POU2AF2: variants seen among roughly 807,000 people sequenced by gnomAD.
POU2AF2 encodes the protein POU domain class 2-associating factor 2.
At chr11:111,250,686 T>C in the POU2AF2 span, among the ~76,000 whole-genome samples, 2 of 151,906 alleles carry the variant, frequency 1.3e-5, no homozygotes, top group Non-Finnish European at 2.9e-5. Flanking sequence ...AAAACTAGAA[T>C]AGAGTAAGGG....
At chr11:111,278,678 G>T in the POU2AF2 span, among the ~76,000 whole-genome samples, 5 of 152,300 alleles carry the variant, frequency 3.3e-5, no homozygotes, top group Admixed American at 6.5e-5. Context: ...CAGACTTCCA[G>T]TCTCCTGAAC....
the POU2AF2 span, among the ~76,000 whole-genome samples, chr11:111,285,441 A>G: frequency 6.6e-6 from 1 of 152,208 alleles, no homozygotes; most frequent in Non-Finnish European, 1.5e-5. Context: ...AGGAATCTCA[A>G]TATCTATAGC....
chr11:111,249,728 A>G, the POU2AF2 span, among the ~76,000 whole-genome samples: 1 of 152,202 alleles, frequency 6.6e-6, no homozygotes, highest in Non-Finnish European at 1.5e-5. Flanking sequence ...GATACTTGAC[A>G]ACACTGATTG....
chr11:111,250,165 T>C, the POU2AF2 span, among the ~76,000 whole-genome samples: 1 of 152,126 alleles, frequency 6.6e-6, no homozygotes, highest in Non-Finnish European at 1.5e-5. Flanking sequence ...TTAATCATAG[T>C]GCTGTTTTGG....
the POU2AF2 span, among the ~76,000 whole-genome samples, chr11:111,264,189 C>G: frequency 2.0e-5 from 3 of 151,920 alleles, no homozygotes; most frequent in Non-Finnish European, 4.4e-5. Flanking sequence ...AAGCATGAAG[C>G]AGGTAGGTAG....
the POU2AF2 span, among the ~76,000 whole-genome samples, chr11:111,251,708 C>T: frequency 2.6e-5 from 4 of 152,210 alleles, no homozygotes; most frequent in Non-Finnish European, 2.9e-5. Flanking sequence ...CATCAACAAT[C>T]CAAAGTGTAC....
chr11:111,276,453 A>AAAAAAAAAAAAAT, the POU2AF2 span, among the ~76,000 whole-genome samples: 17 of 37,662 alleles, frequency 4.5e-4, no homozygotes, highest in African/African-American at 1.4e-3. Context: ...AAAAAAAAAA[A>AAAAAAAAAAAAAT]ATATATATAT....
chr11:111,260,145 G>C, the POU2AF2 span, among the ~76,000 whole-genome samples: 1 of 152,190 alleles, frequency 6.6e-6, no homozygotes, highest in Non-Finnish European at 1.5e-5. Context: ...GCTCTGATTT[G>C]ATGGCTCATA....
At chr11:111,276,453 A>AAAAAAAAAAATATATATAT in the POU2AF2 span, among the ~76,000 whole-genome samples, 6 of 37,664 alleles carry the variant, frequency 1.6e-4, no homozygotes, top group Admixed American at 3.5e-4. Flanking sequence ...AAAAAAAAAA[A>AAAAAAAAAAATATATATAT]ATATATATAT....
At chr11:111,285,699 A>G in the POU2AF2 span, 4 of 1,613,548 alleles carry the variant, frequency 2.5e-6, no homozygotes, top group African/African-American at 4.0e-5. Flanking sequence ...AGCCAGCCTG[A>G]CCCTGTGTCT....
the POU2AF2 span, among the ~76,000 whole-genome samples, chr11:111,250,845 C>T: frequency 6.6e-6 from 1 of 152,124 alleles, no homozygotes; most frequent in Non-Finnish European, 1.5e-5. Context: ...ACAGCCAGCG[C>T]AAAAGTCTTA....
chr11:111,279,605 C>T, the POU2AF2 span, among the ~76,000 whole-genome samples: 1 of 152,156 alleles, frequency 6.6e-6, no homozygotes, highest in African/African-American at 2.4e-5. Flanking sequence ...TGTCTTTGTG[C>T]GTCCCTCTCC....
At chr11:111,248,157 G>A in the POU2AF2 span, among the ~76,000 whole-genome samples, 1 of 151,982 alleles carries the variant, frequency 6.6e-6, no homozygotes, top group Non-Finnish European at 1.5e-5. Context: ...TTCTCCTGGA[G>A]GTTTTCCACA....
the POU2AF2 span, among the ~76,000 whole-genome samples, chr11:111,273,168 G>A: frequency 0.015 from 2,327 of 152,262 alleles, 21 homozygotes; most frequent in Non-Finnish European, 0.022. Flanking sequence ...CAACCGAAAT[G>A]CCCTTGGTTC....
At chr11:111,274,114 T>C in the POU2AF2 span, among the ~76,000 whole-genome samples, 1 of 152,140 alleles carries the variant, frequency 6.6e-6, no homozygotes, top group African/African-American at 2.4e-5. Flanking sequence ...TGAGTGCACA[T>C]GCTGAAGGAC....
the POU2AF2 span, among the ~76,000 whole-genome samples, chr11:111,248,363 C>T: frequency 6.6e-6 from 1 of 152,114 alleles, no homozygotes; most frequent in South Asian, 2.1e-4. Context: ...AGAGCTGGTA[C>T]CTGAGCCAGA....
chr11:111,255,022 AG>A, the POU2AF2 span, among the ~76,000 whole-genome samples: 1 of 152,202 alleles, frequency 6.6e-6, no homozygotes, highest in African/African-American at 2.4e-5. Context: ...GCCAAACAAA[AG>A]GTTCTCTTAT....
the POU2AF2 span, among the ~76,000 whole-genome samples, chr11:111,281,195 A>G: frequency 6.6e-6 from 1 of 152,224 alleles, no homozygotes; most frequent in Non-Finnish European, 1.5e-5. Flanking sequence ...ATCAAAATGT[A>G]AAAGTGTGGT....
At chr11:111,259,378 C>A in the POU2AF2 span, among the ~76,000 whole-genome samples, 1 of 147,916 alleles carries the variant, frequency 6.8e-6, no homozygotes, top group Non-Finnish European at 1.5e-5. Flanking sequence ...TGCAGTGGCA[C>A]AATCTCGGCT....
Sources: allele counts gnomAD v4.1 joint callset (sites outside exome capture counted in the v4.1 genomes callset), GRCh38; gene constraint gnomAD v4.1.1; transcripts MANE v1.5; gene names NCBI Gene and HGNC (gene_info 2026-07-23, HGNC 2026-07-21).